The following SEC31A variants were observed in gnomAD, a reference collection of about 807,000 sequenced individuals.
SEC31A encodes the protein SEC31 homolog A, COPII component.
A neutral mutation model predicts 151.0 loss-of-function variants in SEC31A; 70 were observed. The ratio of observed to expected loss-of-function variants is 0.46; its 90% CI spans 0.38 to 0.57. The LOEUF (loss-of-function observed/expected upper bound fraction) is 0.57, where lower values mean the gene tolerates loss of function less well. Among genes scored for constraint, SEC31A ranks in the 20% least tolerant of loss-of-function variants. The pLI is 0.00. For synonymous variants in SEC31A, 475 were observed against 505.9 expected, an observed-to-expected ratio of 0.94 and a Z score of 0.82; for missense variants, 1,330 against 1,471.2, an observed-to-expected ratio of 0.90 and a Z score of 1.57.
chr4:82,853,446 T>C (rs1455874237), intron 18 of SEC31A, 124 bp downstream of exon 18: 1 of 819,306 alleles, frequency 1.2e-6, no homozygotes, highest in Non-Finnish European at 1.8e-6. Flanking sequence ...TAAATGCATA[T>C]AATTATCCAG....
At position 82,863,383 on chromosome 4, in the gene SEC31A, C is replaced by G; in HGVS notation, c.1444G>C (p.Glu482Gln). 6.4e-7 allele frequency: 1 copy of G among 1,560,094 alleles called. No individual in the cohort carries two copies. The highest frequency in any genetic ancestry group is 8.6e-7 in the Non-Finnish European group (1 of 1,158,256). The stretch of plus-strand genomic sequence containing the variant: ...AGGTATTTTCCACGAGAATCATCCT[C>G]AAAGTTTACCTTTAAAAAAAAAGAC... The part of the protein sequence containing the change: ...NVWSFLKVNF[E>Q]DDSRGKYLEL... Residue 482 changes from glutamate (E) to glutamine (Q), a missense_variant, in exon 12 of 27, where the codon GAG (glutamate) becomes CAG (glutamine). By Grantham distance (29) the Glu-to-Gln change is conservative. Coordinates refer to ENST00000395310, the MANE Select transcript of SEC31A (RefSeq NM_001077207.4).
intron 16 of SEC31A, 144 bp from the exon 17 acceptor site, chr4:82,855,173 G>A: frequency 3.0e-6 from 2 of 668,038 alleles, no homozygotes; most frequent in South Asian, 2.3e-5. Flanking sequence ...ACATAATAAT[G>A]GTATTATTGT....
chr4:82,887,939 G>A (rs1415996302), intron 1 of SEC31A, among the ~76,000 whole-genome samples: 1 of 151,368 alleles, frequency 6.6e-6, no homozygotes, highest in African/African-American at 2.4e-5. Flanking sequence ...CCAGCTACTC[G>A]GGAGGCTGAG....
intron 7 of SEC31A, 64 bp downstream of exon 7, chr4:82,871,880 G>A (rs1260222675): frequency 1.2e-5 from 19 of 1,607,398 alleles, no homozygotes; most frequent in East Asian, 4.5e-5. Flanking sequence ...TTCTGGTCAC[G>A]AAAACATCAC....
intron 1 of SEC31A, among the ~76,000 whole-genome samples, chr4:82,883,393 T>C (rs1282643116): frequency 1.3e-5 from 2 of 152,212 alleles, no homozygotes; most frequent in Non-Finnish European, 2.9e-5. Flanking sequence ...AAAAGGTTAA[T>C]GCAATTTTAA....
intron 8 of SEC31A, among the ~76,000 whole-genome samples, chr4:82,869,296 ATT>A (rs747027053): frequency 2.3e-5 from 3 of 128,690 alleles, no homozygotes; most frequent in Non-Finnish European, 1.7e-5. Context: ...ATTTTTTTGT[ATT>A]TTTTTTTTTT....
chr4:82,898,221 TGAAGTTACTAGAA>T (rs368057677), intron 3 of SEC31A, among the ~76,000 whole-genome samples: 1 of 152,328 alleles, frequency 6.6e-6, no homozygotes, highest in African/African-American at 2.4e-5. Context: ...TCACTGGATA[TGAAGTTACTAGAA>T]GAAGCAATGA....
Position 82,856,947 on chromosome 4 carries a change from CA to C in SEC31A, c.1881+4del. ...ACGTTATTGCTTATTTTTAAAATAACATACCCTGGTAATTTTGCTTTGGGAT... is the reference window on the plus strand; with the variant it reads ...ACGTTATTGCTTATTTTTAAAATAACTACCCTGGTAATTTTGCTTTGGGAT... On this transcript the variant is annotated splice_donor_region_variant and intron_variant, in intron 16 of 26. Transcript: ENST00000395310. 6.2e-7 allele frequency: 1 copy of C among 1,603,268 alleles called. No homozygotes were observed.
At chr4:82,845,369 G>C in intron 20 of SEC31A, 1 of 786,388 alleles carries the variant, frequency 1.3e-6, no homozygotes, top group Non-Finnish European at 1.8e-6. Context: ...ACCCCAAAAG[G>C]TATTAATAGC....
chr4:82,883,469 A>G (rs1739848609), intron 1 of SEC31A, among the ~76,000 whole-genome samples: 1 of 152,194 alleles, frequency 6.6e-6, no homozygotes, highest in African/African-American at 2.4e-5. Context: ...CAACAGTAAT[A>G]TACGATTACT....
chr4:82,864,428 A>G lies in SEC31A; in HGVS notation c.1368T>C (p.Asn456=). ...QQAVQSQGFI[N]YCQKKIDASQ... ...AAGCATCAATTTTTTTTTGGCAATA[A>G]TTGATAAATCCTTGTGACTGCACAG... Residue 456 remains asparagine, a synonymous_variant, in exon 11 of 27, where the codon AAT becomes AAC. Transcript: ENST00000395310. 6.2e-7 allele frequency: 1 copy of G among 1,614,068 alleles called. No homozygotes were observed. The highest frequency in any genetic ancestry group is 1.1e-5 in the South Asian group (1 of 91,064).
chr4:82,819,010 A>AT lies in SEC31A; in HGVS notation c.*63dup, dbSNP rs879874627. The AT allele has an allele frequency of 0.023, 25,139 of 1,114,664 alleles. No homozygotes were observed. Among genetic ancestry groups the AT allele is most frequent in the South Asian group, 0.032 (1,747 of 54,882 alleles). 69.0% of individuals were successfully genotyped at this position (1,114,664 alleles called of 1,614,324 possible). A position where few individuals can be genotyped will look rare whatever the true frequency, so the allele number is the denominator to read the frequency against. On this transcript the variant is annotated 3_prime_UTR_variant, in exon 27 of 27. Transcript: ENST00000395310. ...AATGAGGACTAGTCCATGTCTTATAATTTTTTTTTTTAACATGTTTCTTTG... is the reference window on the plus strand; with the variant it reads ...AATGAGGACTAGTCCATGTCTTATAATTTTTTTTTTTTAACATGTTTCTTTG...
chr4:82,896,672 G>C (rs868654152), intron 3 of SEC31A, among the ~76,000 whole-genome samples: 4 of 152,132 alleles, frequency 2.6e-5, no homozygotes, highest in Non-Finnish European at 5.9e-5. Flanking sequence ...ATTGGAACTA[G>C]AGTATGGCTA....
chr4:82,837,200 A>G (rs1221453113), intron 22 of SEC31A, among the ~76,000 whole-genome samples: 3 of 7,200 alleles, frequency 4.2e-4, no homozygotes, highest in Non-Finnish European at 2.9e-3. Flanking sequence ...TATATATATA[A>G]TTTCACCACA....
upstream of SEC31A, chr4:82,895,743 T>C (rs1054079274): frequency 9.2e-5 from 14 of 152,180 alleles, no homozygotes; most frequent in African/African-American, 3.4e-4. Flanking sequence ...ACAAATGATG[T>C]TCTCTAAGAA....
chr4:82,881,003 T>C (rs1171096839), intron 2 of SEC31A, 81 bp from the exon 3 acceptor site: 2 of 1,220,282 alleles, frequency 1.6e-6, no homozygotes, highest in African/African-American at 3.0e-5. Flanking sequence ...GTTAAAAGCA[T>C]GTTTTCCATT....
chr4:82,886,404 T>TG (rs1396716845), intron 1 of SEC31A, among the ~76,000 whole-genome samples: 12 of 152,188 alleles, frequency 7.9e-5, no homozygotes, highest in Non-Finnish European at 1.6e-4. Flanking sequence ...GACAACCTCA[T>TG]GGGATGCTGT....
intron 22 of SEC31A, chr4:82,829,562 GA>G (rs1725442996): frequency 6.6e-6 from 1 of 152,146 alleles, no homozygotes; most frequent in Non-Finnish European, 1.5e-5. Flanking sequence ...ATATTCTTAA[GA>G]AAAAAGCAGA....
In SEC31A at chr4:82,857,072, G is replaced by A. The variant is rs552562523; in HGVS notation, c.1761C>T (p.Asp587=). 9 of 1,613,988 alleles carry A rather than the reference G, an allele frequency of 5.6e-6. No individual in the cohort carries two copies. The Admixed American group carries it at 1.2e-4, about 21-fold the overall frequency. Residue 587 remains aspartate (D), a synonymous_variant, in exon 16 of 27, where the codon GAC becomes GAT. Coordinates refer to ENST00000395310, the MANE Select transcript of SEC31A (RefSeq NM_001077207.4). ...CCATGCGGTTATCATGTAAACAAAG[G>A]TCAACAGCACTCTCAAAATTGCCCG... The part of the protein sequence containing the change: ...LLTGNFESAV[D]LCLHDNRMAD...
Sources: gnomAD v4.1 joint callset for allele counts (sites outside exome capture counted in the v4.1 genomes callset) on GRCh38, gnomAD v4.1.1 for gene constraint, MANE v1.5 for transcripts, NCBI Gene and HGNC (gene_info 2026-07-23, HGNC 2026-07-21) for gene names.